The following PDZD7 variants were observed in gnomAD, a reference collection of about 807,000 sequenced individuals.
PDZD7 encodes the protein PDZ domain-containing protein 7.
A neutral mutation model predicts 84.7 loss-of-function variants in PDZD7; 72 were observed. The ratio of observed to expected loss-of-function variants is 0.85; its 90% CI spans 0.70 to 1.03. The LOEUF (loss-of-function observed/expected upper bound fraction) is 1.03. Ranked by LOEUF, PDZD7 falls within the 50% of genes least tolerant of loss-of-function variation. The pLI, the probability that PDZD7 is intolerant of heterozygous loss-of-function variation, is 0.00. For missense variants in PDZD7, 1,490 were observed against 1,412.9 expected, an observed-to-expected ratio of 1.05 and a Z score of -0.87; for synonymous variants, 594 against 580.7, an observed-to-expected ratio of 1.02 and a Z score of -0.33.
chr10:101,011,908 C>T lies in PDZD7; in HGVS notation c.1933+17G>A. ...AGCAGGGCTCAGGACCCAGAAGCCC[C>T]GCCCCCCACTGCTGACCTGCCCTGC... On this transcript the variant is annotated intron_variant, in intron 13 of 16. Coordinates refer to ENST00000619208, the MANE Select transcript of PDZD7 (RefSeq NM_001195263.2). The T allele has an allele frequency of 1.9e-6, 3 of 1,549,718 alleles. No homozygotes were observed. Among genetic ancestry groups the T allele is most frequent in the Non-Finnish European group, 1.7e-6 (2 of 1,146,868 alleles).
At chr10:101,017,835 G>GAAAAA (rs1564632147) in intron 9 of PDZD7, 1 of 156,832 alleles carries the variant, frequency 6.4e-6, no homozygotes, top group Admixed American at 1.2e-4. Flanking sequence ...AGGAAGGAAG[G>GAAAAA]AAGGAAAGAA....
In PDZD7 at chr10:101,030,068, A is replaced by T; in HGVS notation, c.152T>A (p.Leu51Gln). ...RYLLRKQQRL[L>Q]NGPPRGIRAS... ...TCGGATTCCGCGGGGGGGCCCGTTC[A>T]GCAGCCGTTGTTGCTTCCTTAGCAG... Residue 51 changes from leucine (L) to glutamine (Q), a missense_variant, in exon 2 of 17, where the codon CTG (leucine) becomes CAG (glutamine). Physicochemically the swap from Leu to Gln is moderately radical, Grantham distance 113 (BLOSUM62 -2). Coordinates refer to ENST00000619208, the MANE Select transcript of PDZD7 (RefSeq NM_001195263.2). 1.2e-6 allele frequency: 2 copies of T among 1,614,020 alleles called. No individual in the cohort carries two copies. The highest frequency in any genetic ancestry group is 1.7e-6 in the Non-Finnish European group (2 of 1,180,006).
chr10:101,009,980 G>A (rs546255781), intron 15 of PDZD7, among the ~76,000 whole-genome samples: 10 of 152,244 alleles, frequency 6.6e-5, no homozygotes, highest in African/African-American at 2.2e-4. Context: ...GGCAACCTCC[G>A]CCTCCTGGGT....
At chr10:101,014,611 C>T (rs1043867180) in intron 11 of PDZD7, among the ~76,000 whole-genome samples, 53 of 152,008 alleles carry the variant, frequency 3.5e-4, no homozygotes, top group African/African-American at 1.1e-3. Flanking sequence ...TGCTGCAAAC[C>T]GGGCCTTGAT....
chr10:101,018,447 G>T (rs1852842472), intron 8 of PDZD7, 151 bp from the exon 9 acceptor site: 3 of 846,002 alleles, frequency 3.5e-6, no homozygotes, highest in Non-Finnish European at 5.6e-6. Context: ...TTCCTCTTCC[G>T]ACTTTCTGAC....
Position 101,011,983 on chromosome 10 carries a change from G to C in PDZD7, c.1875C>G (p.Phe625Leu). 6.4e-7 allele frequency: 1 copy of C among 1,550,508 alleles called. No individual in the cohort carries two copies. The highest frequency in any genetic ancestry group is 8.7e-7 in the Non-Finnish European group (1 of 1,146,994). The stretch of plus-strand genomic sequence containing the variant: ...GCTCCACAAGCATCACCATGCTGTC[G>C]AAGCGGCCCAGGTCTGTGGGGGCCA... ...SVVAPTDLGR[F>L]DSMVMLVELE... The change falls in exon 13 of 17, where the codon TTC (phenylalanine) becomes TTG (leucine). Residue 625 changes from phenylalanine to leucine, a missense_variant. Coordinates refer to ENST00000619208, the MANE Select transcript of PDZD7 (RefSeq NM_001195263.2).
rs754318814 is a variant in PDZD7 at position 101,018,861 on chromosome 10, G to A, written c.1285C>T (p.Pro429Ser). 4 of 1,603,082 alleles carry A rather than the reference G, an allele frequency of 2.5e-6. No individual in the cohort carries two copies. The highest frequency in any genetic ancestry group is 4.5e-5 in the East Asian group (2 of 44,436). ...ALLLALSRPR[P>S]PITRSQSYLT... ...TAGCTCTGGGAGCGCGTGATGGGGG[G>A]CCGGGGTCGGCTGAGGGCCAGCAGC... The change falls in exon 8 of 17, where the codon CCC (proline) becomes TCC (serine). Residue 429 changes from proline (P) to serine (S), a missense_variant. By Grantham distance (74) the Pro-to-Ser change is moderately conservative. Transcript: ENST00000619208.
At position 101,020,605 on chromosome 10, in the gene PDZD7, C is replaced by G. The variant is rs1183919363; in HGVS notation, c.928+13G>C. ...CCCTTTCCCTCCAACCTTGGGAGATCTGAGCCACTTACGTCGGTCCAGCCA... is the reference window on the plus strand; with the variant it reads ...CCCTTTCCCTCCAACCTTGGGAGATGTGAGCCACTTACGTCGGTCCAGCCA... On this transcript the variant is annotated intron_variant, in intron 7 of 16. Coordinates refer to ENST00000619208, the MANE Select transcript of PDZD7 (RefSeq NM_001195263.2). 1 of 1,611,284 alleles carries G rather than the reference C, an allele frequency of 6.2e-7. No individual in the cohort carries two copies. The highest frequency in any genetic ancestry group is 8.5e-7 in the Non-Finnish European group (1 of 1,177,666).
Position 101,007,809 on chromosome 10 carries a change from T to A in PDZD7, c.*658A>T, listed in dbSNP as rs1251421469. ...TCTTGTACAAACCCAAAGAAAAAAT[T>A]AAAAAAAATTTTTTTGTTTAAAAAT... is the stretch of plus-strand genomic sequence containing the variant. On this transcript the variant is annotated 3_prime_UTR_variant, in exon 17 of 17. Coordinates refer to ENST00000619208, the MANE Select transcript of PDZD7 (RefSeq NM_001195263.2). 1 of 328,226 alleles carries A rather than the reference T, an allele frequency of 3.0e-6. No individual in the cohort carries two copies. The highest frequency in any genetic ancestry group is 4.3e-6 in the Non-Finnish European group (1 of 233,410). 20.3% of individuals were successfully genotyped at this position (328,226 alleles called of 1,614,324 possible).
chr10:101,018,913 C>A lies in PDZD7; in HGVS notation c.1233G>T (p.Ala411=). The change falls in exon 8 of 17, where the codon GCG becomes GCT. Residue 411 remains alanine (A), a synonymous_variant. Coordinates refer to ENST00000619208, the MANE Select transcript of PDZD7 (RefSeq NM_001195263.2). ...GPHPGRRLDS[A]LSESPKTALL... ...AAGCCGTCTTGGGAGACTCAGAGAG[C>A]GCAGAGTCAAGGCGGCGGCCGGGAT... 6.2e-7 allele frequency: 1 copy of A among 1,604,878 alleles called. No individual in the cohort carries two copies. The highest frequency in any genetic ancestry group is 1.7e-5 in the Admixed American group (1 of 58,598).
chr10:101,025,761 A>G (rs1369546825), intron 2 of PDZD7, among the ~76,000 whole-genome samples: 1 of 147,680 alleles, frequency 6.8e-6, no homozygotes, highest in Non-Finnish European at 1.5e-5. Context: ...GTTGGCCAGG[A>G]TTGTTTTGAT....
chr10:101,024,477 A>T (rs1164916646), intron 2 of PDZD7, among the ~76,000 whole-genome samples: 1 of 152,112 alleles, frequency 6.6e-6, no homozygotes, highest in Non-Finnish European at 1.5e-5. Flanking sequence ...CCCTGGCCTC[A>T]AGCAATTCTC....
At chr10:101,011,186 C>T in intron 14 of PDZD7, 1 of 679,204 alleles carries the variant, frequency 1.5e-6, no homozygotes, top group Non-Finnish European at 2.2e-6. Context: ...GGATTACAGG[C>T]GTGCACCAAA....
intron 9 of PDZD7, 139 bp downstream of exon 9, chr10:101,017,960 C>A (rs1852793831): frequency 2.3e-6 from 2 of 879,028 alleles, no homozygotes; most frequent in Admixed American, 1.9e-5. Flanking sequence ...CCATTTTACT[C>A]ATGAGGAAAC....
At chr10:101,015,921 G>C (rs945414188) in intron 10 of PDZD7, 110 bp from the exon 11 acceptor site, 56 of 1,200,992 alleles carry the variant, frequency 4.7e-5, no homozygotes, top group Non-Finnish European at 5.8e-5. Context: ...TCCTAGCCTA[G>C]CCTATATGCT....
chr10:101,030,550 G>T (rs1446427936), intron 1 of PDZD7, 166 bp from the exon 2 acceptor site: 1 of 502,180 alleles, frequency 2.0e-6, no homozygotes, highest in Non-Finnish European at 3.7e-6. Flanking sequence ...CACCATCTTG[G>T]ACTCTCGCTG....
rs895187941 is a variant in PDZD7 at position 101,010,670 on chromosome 10, G to A, written c.2219C>T (p.Pro740Leu). Residue 740 changes from proline to leucine, a missense_variant, in exon 15 of 17, where the codon CCC becomes CTC. Pro to Leu is a moderately conservative substitution (Grantham distance 98, BLOSUM62 -3). Coordinates refer to ENST00000619208, the MANE Select transcript of PDZD7 (RefSeq NM_001195263.2). ...IACTPPPQLPPVAPRPLRPNW... is the reference protein window; with the variant it reads ...IACTPPPQLPLVAPRPLRPNW... ...AGGCCGCAGGGGCCGGGGAGCCACG[G>A]GGGGTAGCTGGGGAGGGGGTGTGCA... is the stretch of plus-strand genomic sequence containing the variant. 3.3e-5 allele frequency: 50 copies of A among 1,522,522 alleles called. No individual in the cohort carries two copies. Among genetic ancestry groups the A allele is most frequent in the Non-Finnish European group, 3.9e-5 (44 of 1,137,578 alleles). The allele number at this position is 1,522,522 out of a possible 1,614,324, so 94.3% of individuals were successfully genotyped here.
At chr10:101,015,127 A>T (rs926330338) in intron 11 of PDZD7, among the ~76,000 whole-genome samples, 1 of 152,170 alleles carries the variant, frequency 6.6e-6, no homozygotes, top group African/African-American at 2.4e-5. Context: ...GAGGCAAAGG[A>T]TTACTTACTT....
In PDZD7 at chr10:101,018,097, A is replaced by G. The variant is rs1235319060; in HGVS notation, c.1522+2T>C. 1 of 1,614,010 alleles carries G rather than the reference A, an allele frequency of 6.2e-7. No individual in the cohort carries two copies. Among genetic ancestry groups the G allele is most frequent in the Admixed American group, 1.7e-5 (1 of 59,988 alleles). ...TTCCTGTTTGATCAGCCCACTACTT[A>G]CCTTTCTCTATGTCCAGGCGAGGGT... is the stretch of plus-strand genomic sequence containing the variant. On this transcript the variant is annotated splice_donor_variant, in intron 9 of 16. Coordinates refer to ENST00000619208, the MANE Select transcript of PDZD7 (RefSeq NM_001195263.2). LOFTEE classifies it high-confidence loss of function.
Sources: allele counts gnomAD v4.1 joint callset (sites outside exome capture counted in the v4.1 genomes callset), GRCh38; gene constraint gnomAD v4.1.1; transcripts MANE v1.5; gene names NCBI Gene and HGNC (gene_info 2026-07-23, HGNC 2026-07-21).